SHISAL2B: variants seen among roughly 807,000 people sequenced by gnomAD.
SHISAL2B encodes protein shisa-like-2B.
SHISAL2B carries 12 observed loss-of-function variants against 16.5 expected under a neutral mutation model. The ratio of observed to expected loss-of-function variants is 0.73; its 90% CI spans 0.47 to 1.18. The LOEUF (loss-of-function observed/expected upper bound fraction) is 1.18, where lower values mean the gene tolerates loss of function less well. Ranked by LOEUF, SHISAL2B falls within the 50% of genes most tolerant of loss-of-function variation. The pLI is 0.00. For missense variants in SHISAL2B, 183 were observed against 193.6 expected, an observed-to-expected ratio of 0.95 and a Z score of 0.33; for synonymous variants, 72 against 75.0, an observed-to-expected ratio of 0.96 and a Z score of 0.21.
intron 2 of SHISAL2B, among the ~76,000 whole-genome samples, chr5:64,717,535 T>C (rs1370811477): frequency 1.3e-5 from 2 of 152,208 alleles, no homozygotes; most frequent in South Asian, 2.1e-4. Context: ...CAAGTTACTA[T>C]GATTGGCTTT....
At chr5:64,714,765 C>G (rs1230173853) in intron 2 of SHISAL2B, among the ~76,000 whole-genome samples, 1 of 152,160 alleles carries the variant, frequency 6.6e-6, no homozygotes, top group Admixed American at 6.5e-5. Context: ...TTAAGCCGGT[C>G]TGAAAAGCGC....
chr5:64,690,674 C>T lies in SHISAL2B; in HGVS notation c.51C>T (p.Ser17=), dbSNP rs1392128089. 4 of 1,533,840 alleles carry T rather than the reference C, an allele frequency of 2.6e-6. No individual in the cohort carries two copies. Among genetic ancestry groups the T allele is most frequent in the Middle Eastern group, 3.4e-4 (2 of 5,956 alleles). Residue 17 remains serine, a synonymous_variant, in exon 1 of 3, where the codon AGC becomes AGT. Transcript: ENST00000389074. ...LCSGYYSLNQ[S]FVEPFQCPRR... is the part of the protein sequence containing the mutation. ...CCGGCTACTACAGCCTCAACCAGAG[C>T]TTCGTGGAGCCCTTCCAGTGCCCCC...
In SHISAL2B at chr5:64,715,290, C is replaced by CA. The variant is rs775398698; in HGVS notation, c.350-2587dup. ...ACTTAAAGGCAAGGTTTAGATTCAC[C>CA]AAAAAAAAAAAATTAAAAACTCATA... On this transcript the variant is annotated intron_variant, in intron 2 of 2. Coordinates refer to ENST00000389074, the MANE Select transcript of SHISAL2B (RefSeq NM_001164442.2). Among the ~76,000 whole-genome samples, 387 of 141,046 alleles carry CA rather than the reference C, an allele frequency of 2.7e-3. 2 individuals are homozygous for CA. Among genetic ancestry groups the CA allele is most frequent in the Middle Eastern group, 3.6e-3 (1 of 276 alleles). The allele number at this position is 141,046 out of a possible 152,430, so 92.5% of individuals were successfully genotyped here.
At chr5:64,690,959 CTGAGGGCGGG>C (rs1328005868) in intron 1 of SHISAL2B, 145 bp downstream of exon 1, 2 of 681,754 alleles carry the variant, frequency 2.9e-6, no homozygotes, top group Non-Finnish European at 4.4e-6. Context: ...CGCGGAGCCT[CTGAGGGCGGG>C]TGAGGGCAGG....
chr5:64,691,834 GGGGTT>G (rs2112053193), intron 1 of SHISAL2B, among the ~76,000 whole-genome samples: 1 of 152,234 alleles, frequency 6.6e-6, no homozygotes, highest in African/African-American at 2.4e-5. Context: ...ATTAGTTTAT[GGGGTT>G]GGAGGAGATG....
chr5:64,714,351 CG>C (rs1300968399), intron 2 of SHISAL2B, among the ~76,000 whole-genome samples: 1 of 144,554 alleles, frequency 6.9e-6, no homozygotes, highest in Non-Finnish European at 1.5e-5. Flanking sequence ...TTAGGTTGCT[CG>C]GGGGTCAGGG....
At chr5:64,700,475 A>C (rs1439860475) in intron 2 of SHISAL2B, among the ~76,000 whole-genome samples, 1 of 152,098 alleles carries the variant, frequency 6.6e-6, no homozygotes, top group Non-Finnish European at 1.5e-5. Flanking sequence ...TGGTGGCGCA[A>C]TCTTGGCTCA....
At chr5:64,692,904 T>TATTTA (rs1244483196) in intron 1 of SHISAL2B, among the ~76,000 whole-genome samples, 4 of 152,242 alleles carry the variant, frequency 2.6e-5, no homozygotes, top group Non-Finnish European at 4.4e-5. Context: ...CACGAGTGGC[T>TATTTA]ATTTAATAAG....
At chr5:64,711,666 C>G (rs1348608452) in intron 2 of SHISAL2B, among the ~76,000 whole-genome samples, 31 of 37,510 alleles carry the variant, frequency 8.3e-4, no homozygotes, top group African/African-American at 3.8e-3. Flanking sequence ...TCCATCTGGT[C>G]CTGGACTCTT....
chr5:64,714,844 A>G (rs893593231), intron 2 of SHISAL2B, among the ~76,000 whole-genome samples: 3 of 152,072 alleles, frequency 2.0e-5, no homozygotes, highest in Non-Finnish European at 2.9e-5. Flanking sequence ...TCAGAAAGGG[A>G]ACTCTCTGAC....
At chr5:64,702,383 A>G (rs1741821677) in intron 2 of SHISAL2B, among the ~76,000 whole-genome samples, 1 of 152,076 alleles carries the variant, frequency 6.6e-6, no homozygotes, top group Admixed American at 6.5e-5. Context: ...TATTTTTAGT[A>G]GAGATGGGGT....
chr5:64,715,164 A>G lies in SHISAL2B; in HGVS notation c.350-2725A>G, dbSNP rs541209714. Reference sequence around the variant, plus strand: ...GATGTCCTGATTGATACTAGAAAGCATTTTACTTATAGAAAGGTATCTTTA... The same window carrying G: ...GATGTCCTGATTGATACTAGAAAGCGTTTTACTTATAGAAAGGTATCTTTA... On this transcript the variant is annotated intron_variant, in intron 2 of 2. Coordinates refer to ENST00000389074, the MANE Select transcript of SHISAL2B (RefSeq NM_001164442.2). Among the ~76,000 whole-genome samples, 34 of 152,244 alleles carry G rather than the reference A, an allele frequency of 2.2e-4. No individual in the cohort carries two copies. In the South Asian group the frequency reaches 6.4e-3, roughly 29 times the overall value.
At chr5:64,692,492 T>C (rs181974184) in intron 1 of SHISAL2B, among the ~76,000 whole-genome samples, 1 of 152,348 alleles carries the variant, frequency 6.6e-6, no homozygotes, top group Admixed American at 6.5e-5. Flanking sequence ...CTGTGAGTTA[T>C]TGAGCTCTGA....
chr5:64,704,785 T>C (rs10461498), intron 2 of SHISAL2B, among the ~76,000 whole-genome samples: 49,436 of 151,640 alleles, frequency 0.33, 8,420 homozygotes, highest in East Asian at 0.51. Flanking sequence ...ACAGAAAAGC[T>C]GAGGTTGCTG....
At chr5:64,707,966 C>A (rs754680780) in intron 2 of SHISAL2B, among the ~76,000 whole-genome samples, 5 of 152,128 alleles carry the variant, frequency 3.3e-5, no homozygotes, top group Non-Finnish European at 7.3e-5. Flanking sequence ...CTATCAAAGT[C>A]CTACAGCTGA....
chr5:64,690,622 C>T lies in SHISAL2B; in HGVS notation c.-2C>T. ...GCGAGCCTCTCCCGGCCCCTGCCCG[C>T]GATGAGCGAGGCCAGCCGACTGTGC... On this transcript the variant is annotated 5_prime_UTR_variant, in exon 1 of 3. Transcript: ENST00000389074. The T allele has an allele frequency of 6.7e-7, 1 of 1,486,098 alleles. No homozygotes were observed. The highest frequency in any genetic ancestry group is 9.0e-7 in the Non-Finnish European group (1 of 1,116,848). 92.1% of individuals were successfully genotyped at this position (1,486,098 alleles called of 1,614,324 possible).
chr5:64,706,936 G>T (rs1741883173), intron 2 of SHISAL2B, among the ~76,000 whole-genome samples: 1 of 152,108 alleles, frequency 6.6e-6, no homozygotes, highest in African/African-American at 2.4e-5. Context: ...TTATTTTGGA[G>T]ACTTGTAGCC....
intron 1 of SHISAL2B, among the ~76,000 whole-genome samples, chr5:64,693,263 T>G (rs188084505): frequency 6.6e-6 from 1 of 152,094 alleles, no homozygotes; most frequent in Non-Finnish European, 1.5e-5. Flanking sequence ...CGCCTCAGCC[T>G]CCCAAAGTGC....
At chr5:64,700,059 C>CGG (rs1210366533) in intron 2 of SHISAL2B, among the ~76,000 whole-genome samples, 4 of 152,120 alleles carry the variant, frequency 2.6e-5, no homozygotes, top group Non-Finnish European at 4.4e-5. Context: ...GCTTCAAATG[C>CGG]CAATGTTTAA....
Sources: allele counts gnomAD v4.1 joint callset (sites outside exome capture counted in the v4.1 genomes callset), GRCh38; gene constraint gnomAD v4.1.1; transcripts MANE v1.5; gene names NCBI Gene and HGNC (gene_info 2026-07-23, HGNC 2026-07-21).